The following COP1 variants were observed in gnomAD, a reference collection of about 807,000 sequenced individuals.
COP1 encodes COP1 E3 ubiquitin ligase.
In COP1, 24 loss-of-function variants were observed where a neutral mutation model predicts 101.3. The observed-to-expected ratio is 0.24, with a 90% CI of 0.17 to 0.33. COP1 has a LOEUF of 0.33. Ranked by LOEUF, COP1 falls within the 10% of genes least tolerant of loss-of-function variation. The pLI, the probability that COP1 is intolerant of heterozygous loss-of-function variation, is 1.00. For synonymous variants in COP1, 347 were observed against 341.9 expected, an observed-to-expected ratio of 1.01 and a Z score of -0.17; for missense variants, 663 against 906.2, an observed-to-expected ratio of 0.73 and a Z score of 3.45.
intron 9 of COP1, among the ~76,000 whole-genome samples, chr1:176,096,394 C>T (rs1682377005): frequency 6.6e-6 from 1 of 152,172 alleles, no homozygotes; most frequent in Non-Finnish European, 1.5e-5. Context: ...CCCCACTCCC[C>T]TTACCTCCTG....
At chr1:176,203,286 G>C (rs1049847764) in intron 1 of COP1, among the ~76,000 whole-genome samples, 2 of 151,954 alleles carry the variant, frequency 1.3e-5, no homozygotes, top group African/African-American at 4.8e-5. Context: ...GCAGTGAGCC[G>C]AGATCGCACC....
intron 9 of COP1, among the ~76,000 whole-genome samples, chr1:176,115,996 A>C (rs903432891): frequency 2.6e-4 from 40 of 152,312 alleles, no homozygotes; most frequent in Non-Finnish European, 7.3e-5. Context: ...TATAATTTTC[A>C]TTATCTCTAA....
At chr1:176,013,526 T>C (rs534246054) in intron 15 of COP1, among the ~76,000 whole-genome samples, 40 of 152,312 alleles carry the variant, frequency 2.6e-4, no homozygotes, top group African/African-American at 8.9e-4. Context: ...TTTCTCCTTG[T>C]ATAATTTCTC....
rs140383016 is a variant in COP1 at position 175,994,990 on chromosome 1, T to G, written c.1730-5511A>C. On this transcript the variant is annotated intron_variant, in intron 15 of 19. Transcript: ENST00000367669. ...CCTATTCCAAAATTGACCACATAGT[T>G]GGAAGTAAAGCTCTCCTCAGCAAAT... is the stretch of plus-strand genomic sequence containing the variant. Among the ~76,000 whole-genome samples, 398 of 152,294 alleles carry G rather than the reference T, an allele frequency of 2.6e-3. 3 individuals are homozygous for G. Among genetic ancestry groups the G allele is most frequent in the African/African-American group, 9.1e-3 (380 of 41,558 alleles).
chr1:176,098,417 C>A (rs576048665), intron 9 of COP1, among the ~76,000 whole-genome samples: 4 of 152,140 alleles, frequency 2.6e-5, no homozygotes, highest in East Asian at 3.9e-4. Flanking sequence ...AAGGATTGTT[C>A]TGAATTAGAT....
At chr1:175,981,026 C>G (rs1655715518) in intron 18 of COP1, among the ~76,000 whole-genome samples, 1 of 152,058 alleles carries the variant, frequency 6.6e-6, no homozygotes, top group Admixed American at 6.6e-5. Flanking sequence ...CACAGATCCA[C>G]AGATACAGAA....
chr1:176,104,496 G>A (rs1572256140), intron 9 of COP1, among the ~76,000 whole-genome samples: 2 of 152,236 alleles, frequency 1.3e-5, no homozygotes, highest in African/African-American at 4.8e-5. Flanking sequence ...GTCAGCTAAA[G>A]ATATGAGTAT....
chr1:176,200,296 T>A (rs1700132268), intron 1 of COP1, among the ~76,000 whole-genome samples: 1 of 152,240 alleles, frequency 6.6e-6, no homozygotes, highest in Admixed American at 6.5e-5. Flanking sequence ...CCATCTTCAC[T>A]TGAGTGGACT....
intron 9 of COP1, among the ~76,000 whole-genome samples, chr1:176,097,482 T>G (rs979361666): frequency 6.6e-6 from 1 of 152,154 alleles, no homozygotes; most frequent in Non-Finnish European, 1.5e-5. Context: ...TGAAAGATCT[T>G]ATGGCAATTG....
At chr1:176,121,636 C>G (rs1687138387) in intron 8 of COP1, among the ~76,000 whole-genome samples, 1 of 152,100 alleles carries the variant, frequency 6.6e-6, no homozygotes, top group Non-Finnish European at 1.5e-5. Context: ...AAATGCAGTT[C>G]TCCTCTAGGA....
At chr1:175,969,786 C>A (rs1652885602) in intron 18 of COP1, among the ~76,000 whole-genome samples, 1 of 152,092 alleles carries the variant, frequency 6.6e-6, no homozygotes, top group Non-Finnish European at 1.5e-5. Flanking sequence ...ACACTATAGG[C>A]ACTAAACAAA....
chr1:176,077,914 A>AAAATG (rs1678352593), intron 11 of COP1, among the ~76,000 whole-genome samples: 1 of 1,510 alleles, frequency 6.6e-4, no homozygotes, highest in South Asian at 0.25. Flanking sequence ...AGCCACAAAG[A>AAAATG]AAATAACTAG....
chr1:176,177,019 G>A (rs1697050217), intron 2 of COP1, among the ~76,000 whole-genome samples: 1 of 152,104 alleles, frequency 6.6e-6, no homozygotes, highest in African/African-American at 2.4e-5. Flanking sequence ...TTAGAAGGGT[G>A]TTTAATACAA....
At chr1:176,175,323 C>A (rs549777519) in intron 3 of COP1, among the ~76,000 whole-genome samples, 1 of 152,332 alleles carries the variant, frequency 6.6e-6, no homozygotes, top group Admixed American at 6.5e-5. Context: ...AACCTCACAT[C>A]CAGTCTGTCA....
intron 9 of COP1, among the ~76,000 whole-genome samples, chr1:176,091,989 A>G (rs1681414791): frequency 6.6e-6 from 1 of 152,142 alleles, no homozygotes. Context: ...AAACATTAAT[A>G]TGGATGAAAA....
At chr1:176,076,960 A>G (rs1678152657) in intron 11 of COP1, among the ~76,000 whole-genome samples, 1 of 152,206 alleles carries the variant, frequency 6.6e-6, no homozygotes, top group African/African-American at 2.4e-5. Context: ...AAGTTCAGAA[A>G]TTGAATCAGT....
At chr1:176,037,329 C>T (rs904865343) in intron 14 of COP1, among the ~76,000 whole-genome samples, 1 of 151,576 alleles carries the variant, frequency 6.6e-6, no homozygotes, top group African/African-American at 2.4e-5. Context: ...ATGGCATGAA[C>T]CTGGGAGGTG....
At chr1:176,019,913 C>T (rs1267278704) in intron 15 of COP1, among the ~76,000 whole-genome samples, 3 of 152,004 alleles carry the variant, frequency 2.0e-5, no homozygotes, top group African/African-American at 7.2e-5. Flanking sequence ...CCAATATGAT[C>T]TATTTATATA....
chr1:176,183,425 G>T (rs1319600918), intron 2 of COP1, among the ~76,000 whole-genome samples: 1 of 152,128 alleles, frequency 6.6e-6, no homozygotes, highest in African/African-American at 2.4e-5. Flanking sequence ...CATCAGGATG[G>T]CTACTATCAA....
Sources: gnomAD v4.1 joint callset for allele counts (sites outside exome capture counted in the v4.1 genomes callset) on GRCh38, gnomAD v4.1.1 for gene constraint, MANE v1.5 for transcripts, NCBI Gene and HGNC (gene_info 2026-07-23, HGNC 2026-07-21) for gene names.